Variants in SLC35F2 observed in about 807,000 individuals in gnomAD.
SLC35F2 encodes queuine/queuosine transporter SLC35F2.
A neutral mutation model predicts 38.1 loss-of-function variants in SLC35F2; 25 were observed. The observed-to-expected ratio is 0.66, with a 90% CI of 0.48 to 0.92. SLC35F2 has a LOEUF of 0.92. Among genes scored for constraint, SLC35F2 ranks in the 40% least tolerant of loss-of-function variants. The pLI, the probability that SLC35F2 is intolerant of heterozygous loss-of-function variation, is 0.00. For synonymous variants in SLC35F2, 173 were observed against 181.7 expected (o/e 0.95, Z 0.38); for missense variants, 409 against 452.9 (o/e 0.90, Z 0.88).
At chr11:107,836,622 C>G (rs1859935530) in intron 1 of SLC35F2, among the ~76,000 whole-genome samples, 1 of 152,254 alleles carries the variant, frequency 6.6e-6, no homozygotes, top group South Asian at 2.1e-4. Flanking sequence ...AGTCACAAGC[C>G]AAGGAAGGCA....
intron 1 of SLC35F2, among the ~76,000 whole-genome samples, chr11:107,833,679 C>T (rs1223992583): frequency 2.6e-5 from 4 of 152,080 alleles, no homozygotes; most frequent in Non-Finnish European, 5.9e-5. Flanking sequence ...AATTGTTACA[C>T]CCAGGCGAGT....
In SLC35F2 at chr11:107,854,280, A is replaced by AC. The variant is rs533071322; in HGVS notation, c.110+4377_110+4378insG. 9.2e-5 allele frequency among the ~76,000 whole-genome samples: 14 copies of AC among 151,454 alleles called. No individual in the cohort carries two copies. The East Asian group carries it at 2.7e-3, about 29-fold the overall frequency. On this transcript the variant is annotated intron_variant, in intron 1 of 7. Transcript: ENST00000525815. ...AACCCTGTCTCTACGGAAAAAAAAAAAAAACTAGTAGTGCGTGGCAGTGCA... is the reference window on the plus strand; with the variant it reads ...AACCCTGTCTCTACGGAAAAAAAAAACAAAACTAGTAGTGCGTGGCAGTGCA...
chr11:107,825,013 A>G (rs566846585), intron 1 of SLC35F2, among the ~76,000 whole-genome samples: 1 of 152,194 alleles, frequency 6.6e-6, no homozygotes, highest in Admixed American at 6.5e-5. Context: ...CAACTTAAAT[A>G]AAATAGCCAT....
intron 1 of SLC35F2, among the ~76,000 whole-genome samples, chr11:107,855,215 G>A (rs541776924): frequency 6.6e-6 from 1 of 152,164 alleles, no homozygotes; most frequent in African/African-American, 2.4e-5. Context: ...GACCAATAAA[G>A]GGAAGAGTTC....
Position 107,792,546 on chromosome 11 carries a change from A to G in SLC35F2, c.*69T>C. 3.3e-6 allele frequency: 5 copies of G among 1,505,644 alleles called. No individual in the cohort carries two copies. The highest frequency in any genetic ancestry group is 4.4e-6 in the Non-Finnish European group (5 of 1,124,304). The allele number at this position is 1,505,644 out of a possible 1,614,324, so 93.3% of individuals were successfully genotyped here. The stretch of plus-strand genomic sequence containing the variant: ...TCCATTCTGAGTCTGCTATTTCCCC[A>G]AGTGTCCCCTCAGCAGGCAGCAGGC... On this transcript the variant is annotated 3_prime_UTR_variant, in exon 8 of 8. Transcript: ENST00000525815.
intron 1 of SLC35F2, among the ~76,000 whole-genome samples, chr11:107,844,415 G>A (rs2134850046): frequency 6.6e-6 from 1 of 151,522 alleles, no homozygotes; most frequent in Non-Finnish European, 1.5e-5. Context: ...ATCACCTAAG[G>A]TCAGGAGTTT....
At chr11:107,843,996 T>A (rs1591208233) in intron 1 of SLC35F2, among the ~76,000 whole-genome samples, 1 of 149,360 alleles carries the variant, frequency 6.7e-6, no homozygotes, top group African/African-American at 2.5e-5. Context: ...GCAACTAGGG[T>A]CTAAAAAATA....
At position 107,809,989 on chromosome 11, in the gene SLC35F2, C is replaced by T. The variant is rs1214058835; in HGVS notation, c.414+1678G>A. ...AACCTGGGCCACATCATCATCTTCA[C>T]GTGAACTATCCCATGACTGTTGGTA... On this transcript the variant is annotated intron_variant, in intron 3 of 7. Transcript: ENST00000525815. 1.0e-5 allele frequency: 10 copies of T among 985,198 alleles called. No homozygotes were observed. In the South Asian group the frequency reaches 2.3e-4, roughly 23 times the overall value. The allele number at this position is 985,198 out of a possible 1,614,324, so 61.0% of individuals were successfully genotyped here. A position where few individuals can be genotyped will look rare whatever the true frequency, so the allele number is the denominator to read the frequency against.
chr11:107,855,559 G>C (rs546528884), intron 1 of SLC35F2, among the ~76,000 whole-genome samples: 1 of 152,028 alleles, frequency 6.6e-6, no homozygotes, highest in Non-Finnish European at 1.5e-5. Context: ...GGCTGAGGTA[G>C]AAGAAGAGCT....
chr11:107,823,036 A>T, intron 1 of SLC35F2: 1 of 442,042 alleles, frequency 2.3e-6, no homozygotes, highest in East Asian at 1.6e-4. Flanking sequence ...TCATTTCTTT[A>T]GCTCTTCTTT....
intron 1 of SLC35F2, among the ~76,000 whole-genome samples, chr11:107,818,055 TC>T (rs1162189204): frequency 5.4e-4 from 12 of 22,412 alleles, no homozygotes; most frequent in Admixed American, 6.8e-4. Context: ...AGACTCTGTC[TC>T]AAAAAAAAAA....
chr11:107,821,673 A>G (rs1210069452), intron 1 of SLC35F2: 7 of 953,836 alleles, frequency 7.3e-6, no homozygotes. Context: ...CAAAGCTGCC[A>G]GAAGAAACAT....
chr11:107,819,340 GTGA>G (rs1859634371), intron 1 of SLC35F2, among the ~76,000 whole-genome samples: 1 of 152,192 alleles, frequency 6.6e-6, no homozygotes, highest in South Asian at 2.1e-4. Flanking sequence ...CAAAGGGAAG[GTGA>G]TGATGTCAAG....
intron 1 of SLC35F2, among the ~76,000 whole-genome samples, chr11:107,830,351 C>T (rs1388878656): frequency 6.6e-6 from 1 of 151,870 alleles, no homozygotes; most frequent in Non-Finnish European, 1.5e-5. Flanking sequence ...TGTGGGAGGC[C>T]GAGGCGGGCA....
At chr11:107,855,683 A>G (rs1860266547) in intron 1 of SLC35F2, among the ~76,000 whole-genome samples, 1 of 151,802 alleles carries the variant, frequency 6.6e-6, no homozygotes. Context: ...CTGCTATTCC[A>G]CAAGAAAGGA....
At chr11:107,820,866 G>A in intron 1 of SLC35F2, among the ~76,000 whole-genome samples, 1 of 152,128 alleles carries the variant, frequency 6.6e-6, no homozygotes. Flanking sequence ...TGAGACAGGA[G>A]AATTGCTTGA....
intron 7 of SLC35F2, 113 bp from the exon 8 acceptor site, chr11:107,792,913 CTT>C: frequency 2.8e-6 from 1 of 352,802 alleles, no homozygotes; most frequent in South Asian, 6.5e-5. Context: ...TATTTTCTTT[CTT>C]TCTTTCTTTC....
At chr11:107,802,293 T>A (rs1859321821) in intron 7 of SLC35F2, among the ~76,000 whole-genome samples, 1 of 150,050 alleles carries the variant, frequency 6.7e-6, no homozygotes, top group Non-Finnish European at 1.5e-5. Flanking sequence ...CTCAATCAAT[T>A]CTCAAGGGAA....
At chr11:107,851,358 G>C (rs1175446582) in intron 1 of SLC35F2, among the ~76,000 whole-genome samples, 1 of 151,452 alleles carries the variant, frequency 6.6e-6, no homozygotes, top group Non-Finnish European at 1.5e-5. Context: ...AGCTACTTGG[G>C]AGGCTGAGGC....
Sources: gnomAD v4.1 joint callset for allele counts (sites outside exome capture counted in the v4.1 genomes callset) on GRCh38, gnomAD v4.1.1 for gene constraint, MANE v1.5 for transcripts, NCBI Gene and HGNC (gene_info 2026-07-23, HGNC 2026-07-21) for gene names.